Variants in TANC2 observed in about 807,000 individuals in gnomAD.
TANC2 encodes protein TANC2.
Under a neutral mutation model 210.5 loss-of-function variants are expected in TANC2, and 26 were observed. The observed-to-expected ratio is 0.12, with a 90% CI of 0.09 to 0.17. The LOEUF (loss-of-function observed/expected upper bound fraction) is 0.17. Among genes scored for constraint, TANC2 ranks in the 10% least tolerant of loss-of-function variants. The pLI, the probability that TANC2 is intolerant of heterozygous loss-of-function variation, is 1.00. For missense variants in TANC2, 2,129 were observed against 2,608.9 expected (o/e 0.82, Z 4.01); for synonymous variants, 931 against 967.1 (o/e 0.96, Z 0.69).
intron 2 of TANC2, among the ~76,000 whole-genome samples, chr17:63,010,311 A>G (rs1383090133): frequency 6.6e-6 from 1 of 152,136 alleles, no homozygotes; most frequent in Non-Finnish European, 1.5e-5. Flanking sequence ...TTCTTGACCC[A>G]TAAGTATTTG....
chr17:63,169,222 A>G (rs1440980113), intron 5 of TANC2, among the ~76,000 whole-genome samples: 4 of 152,230 alleles, frequency 2.6e-5, no homozygotes, highest in Non-Finnish European at 5.9e-5. Flanking sequence ...GAGATTAGCT[A>G]TAGTCCTCTA....
chr17:63,184,075 G>T (rs570743306), intron 5 of TANC2, among the ~76,000 whole-genome samples: 2 of 151,380 alleles, frequency 1.3e-5, no homozygotes, highest in South Asian at 4.2e-4. Flanking sequence ...GGAAAAAATA[G>T]ATAAAAGTTT....
chr17:63,228,752 A>C (rs2042393206), intron 7 of TANC2, among the ~76,000 whole-genome samples: 2 of 151,916 alleles, frequency 1.3e-5, no homozygotes, highest in Admixed American at 1.3e-4. Flanking sequence ...AGTGTGTAGG[A>C]CTGCTTGTGA....
intron 4 of TANC2, among the ~76,000 whole-genome samples, chr17:63,111,403 T>C (rs193042877): frequency 1.1e-4 from 16 of 152,352 alleles, no homozygotes; most frequent in Non-Finnish European, 2.1e-4. Context: ...ATAAAATCAC[T>C]ACATAATTTA....
chr17:63,017,827 A>G (rs1010438411), intron 2 of TANC2, among the ~76,000 whole-genome samples: 11 of 152,168 alleles, frequency 7.2e-5, no homozygotes, highest in African/African-American at 2.7e-4. Context: ...AGAGCGAGTA[A>G]TTACTAGAAC....
intron 6 of TANC2, among the ~76,000 whole-genome samples, 159 bp downstream of exon 6, chr17:63,194,298 G>A (rs1437388935): frequency 6.6e-6 from 1 of 152,150 alleles, no homozygotes; most frequent in African/African-American, 2.4e-5. Flanking sequence ...TTTAGCTTTA[G>A]TCTTAGATTT....
At chr17:62,984,904 G>T (rs1204534408) in intron 1 of TANC2, among the ~76,000 whole-genome samples, 3 of 152,164 alleles carry the variant, frequency 2.0e-5, no homozygotes, top group Admixed American at 2.0e-4. Flanking sequence ...TCCATGTGCT[G>T]TTGAAAAGAA....
At chr17:63,422,545 A>T (rs964727917) in exon 28 of TANC2, 4 of 152,374 alleles carry the variant, frequency 2.6e-5, no homozygotes, top group African/African-American at 9.7e-5. Flanking sequence ...GAGAGAGAAG[A>T]ATTAAGTGCT....
intron 15 of TANC2, among the ~76,000 whole-genome samples, chr17:63,380,532 A>G (rs2047572728): frequency 6.6e-6 from 1 of 152,262 alleles, no homozygotes; most frequent in African/African-American, 2.4e-5. Flanking sequence ...TAGTTCAGAT[A>G]ACAGTTTTGG....
At chr17:63,126,782 G>GGTA (rs1024935509) in intron 4 of TANC2, among the ~76,000 whole-genome samples, 1 of 151,994 alleles carries the variant, frequency 6.6e-6, no homozygotes, top group African/African-American at 2.4e-5. Flanking sequence ...GACTTGTGAT[G>GGTA]GTAAACACTT....
rs549807793 is a variant in TANC2, at chr17:63,039,351, A to G, written c.67+29725A>G. Among the ~76,000 whole-genome samples, 5 of 152,182 alleles carry G rather than the reference A, an allele frequency of 3.3e-5. No homozygotes were observed. The East Asian group carries it at 7.7e-4, about 23-fold the overall frequency. On this transcript the variant is annotated intron_variant, in intron 2 of 27. Coordinates refer to ENST00000689528, the Ensembl canonical transcript of TANC2. ...AATGTCTATATAAGTATTTTTTGCA[A>G]AATCATCTGGCATACTCTTGTGCAT...
At chr17:63,104,089 T>A (rs1216174956) in intron 4 of TANC2, among the ~76,000 whole-genome samples, 1 of 152,170 alleles carries the variant, frequency 6.6e-6, no homozygotes, top group Admixed American at 6.6e-5. Context: ...AAGATTTTTA[T>A]TGTTTCAAGT....
At chr17:63,148,785 AG>A (rs2039548549) in intron 4 of TANC2, 1 of 152,152 alleles carries the variant, frequency 6.6e-6, no homozygotes, top group African/African-American at 2.4e-5. Flanking sequence ...TTTACAATGA[AG>A]CATATTAAAA....
At chr17:63,290,911 C>T (rs1451166779) in intron 9 of TANC2, among the ~76,000 whole-genome samples, 3 of 152,052 alleles carry the variant, frequency 2.0e-5, no homozygotes, top group African/African-American at 7.2e-5. Context: ...TCATTGTTTA[C>T]ATAACAATAA....
chr17:63,147,354 A>AAAAAAAG (rs1367432631), intron 4 of TANC2, among the ~76,000 whole-genome samples: 9 of 151,978 alleles, frequency 5.9e-5, no homozygotes, highest in Non-Finnish European at 1.0e-4. Context: ...TGTCTCACAA[A>AAAAAAAG]AAAAAAGAAA....
intron 9 of TANC2, among the ~76,000 whole-genome samples, chr17:63,293,188 A>G (rs577900855): frequency 6.6e-6 from 1 of 152,292 alleles, no homozygotes; most frequent in South Asian, 2.1e-4. Context: ...ACTCTTGTAA[A>G]TGGAAGAATG....
At chr17:63,299,793 C>T (rs750392874) in intron 9 of TANC2, among the ~76,000 whole-genome samples, 4 of 152,060 alleles carry the variant, frequency 2.6e-5, no homozygotes, top group African/African-American at 4.8e-5. Flanking sequence ...TTACTTAGAT[C>T]CCACTTGTCA....
intron 21 of TANC2, among the ~76,000 whole-genome samples, chr17:63,410,839 C>A (rs1204886222): frequency 9.5e-6 from 1 of 104,756 alleles, no homozygotes; most frequent in Non-Finnish European, 1.7e-5. Flanking sequence ...CCAGCCAGGG[C>A]AACGGAGCAA....
At chr17:63,385,486 A>G (rs1457674886) in intron 15 of TANC2, among the ~76,000 whole-genome samples, 1 of 152,232 alleles carries the variant, frequency 6.6e-6, no homozygotes, top group East Asian at 1.9e-4. Flanking sequence ...ATCTGGAACT[A>G]TTCTATTTCA....
Sources: gnomAD v4.1 joint callset for allele counts (sites outside exome capture counted in the v4.1 genomes callset) on GRCh38, gnomAD v4.1.1 for gene constraint, MANE v1.5 for transcripts, NCBI Gene and HGNC (gene_info 2026-07-23, HGNC 2026-07-21) for gene names.